The following IGIP variants were observed in gnomAD, a reference collection of about 807,000 sequenced individuals.
IGIP encodes the protein IgA-inducing protein homolog.
In IGIP, 1 loss-of-function variant was observed where a neutral mutation model predicts 3.2. That is an observed-to-expected ratio of 0.32 (90% confidence interval 0.11 to 1.50). IGIP has a LOEUF of 1.50. Among genes scored for constraint, IGIP ranks in the 40% most tolerant of loss-of-function variants. The pLI is 0.39. For synonymous variants in IGIP, 20 were observed against 22.7 expected, an observed-to-expected ratio of 0.88 and a Z score of 0.34; for missense variants, 64 against 69.0, an observed-to-expected ratio of 0.93 and a Z score of 0.26.
At position 140,126,098 on chromosome 5, in the gene IGIP, GA is replaced by G; in HGVS notation, c.-2376del. On this transcript the variant is annotated 5_prime_UTR_variant, in exon 1 of 1. It removes the in-frame stop codon of an upstream open reading frame in the 5' UTR. Transcript: ENST00000333305. ...GGGCTTATTCAAAAGTGTACAATAG[GA>G]AAGTATATTTCCTTTCTTAGAAAGG... The G allele has an allele frequency of 6.0e-6, 1 of 167,032 alleles. No individual in the cohort carries two copies. Among genetic ancestry groups the G allele is most frequent in the Non-Finnish European group, 1.5e-5 (1 of 68,106 alleles). The allele number at this position is 167,032 out of a possible 1,614,324, so 10.3% of individuals were successfully genotyped here.
chr5:140,128,408 C>A lies in IGIP; in HGVS notation c.-69C>A. The A allele has an allele frequency of 7.9e-7, 1 of 1,270,020 alleles. No individual in the cohort carries two copies. Among genetic ancestry groups the A allele is most frequent in the Non-Finnish European group, 1.1e-6 (1 of 914,036 alleles). 78.7% of individuals were successfully genotyped at this position (1,270,020 alleles called of 1,614,324 possible). A position where few individuals can be genotyped will look rare whatever the true frequency, so the allele number is the denominator to read the frequency against. On this transcript the variant is annotated 5_prime_UTR_variant, in exon 1 of 1. It adds an upstream start codon to the 5' untranslated region. Transcript: ENST00000333305. ...TGTTTGGGGACCCCATTTAAGAATG[C>A]TGAATTTTGCCAACTAAGAAGTAAG...
Position 140,128,381 on chromosome 5 carries a change from A to T in IGIP, c.-96A>T. 3.8e-6 allele frequency: 3 copies of T among 789,246 alleles called. No individual in the cohort carries two copies. Among genetic ancestry groups the T allele is most frequent in the Non-Finnish European group, 6.1e-6 (3 of 495,588 alleles). The allele number at this position is 789,246 out of a possible 1,614,324, so 48.9% of individuals were successfully genotyped here. Reference sequence around the variant, plus strand: ...TACAGTTAGAATATCATTAATTTGCACTGTTTGGGGACCCCATTTAAGAAT... The same window carrying T: ...TACAGTTAGAATATCATTAATTTGCTCTGTTTGGGGACCCCATTTAAGAAT... On this transcript the variant is annotated 5_prime_UTR_variant, in exon 1 of 1. Coordinates refer to ENST00000333305, the MANE Select transcript of IGIP (RefSeq NM_001007189.2).
chr5:140,128,788 G>A lies in IGIP; in HGVS notation c.*150G>A. 1.5e-6 allele frequency: 1 copy of A among 646,986 alleles called. No homozygotes were observed. The highest frequency in any genetic ancestry group is 2.5e-6 in the Non-Finnish European group (1 of 392,394). 40.1% of individuals were successfully genotyped at this position (646,986 alleles called of 1,614,324 possible). On this transcript the variant is annotated 3_prime_UTR_variant, in exon 1 of 1. Coordinates refer to ENST00000333305, the MANE Select transcript of IGIP (RefSeq NM_001007189.2). ...ATAAAGTAGGCAAAAAAATAAAGAT[G>A]TTTATTTTTCATGTGACTGTATAAT...
chr5:140,128,678 T>C lies in IGIP; in HGVS notation c.*40T>C, dbSNP rs772060676. ...TGCTGTACTGCTTATTGAAGTATTG[T>C]GATTATTTTAGGCATTGATTCTTAC... On this transcript the variant is annotated 3_prime_UTR_variant, in exon 1 of 1. Coordinates refer to ENST00000333305, the MANE Select transcript of IGIP (RefSeq NM_001007189.2). 2 of 1,544,408 alleles carry C rather than the reference T, an allele frequency of 1.3e-6. No homozygotes were observed. The highest frequency in any genetic ancestry group is 2.8e-5 in the African/African-American group (2 of 72,134).
rs1763233196 is a variant in IGIP, at chr5:140,128,156, A to C, written c.-321A>C. The stretch of plus-strand genomic sequence containing the variant: ...AAGTTTGTAAAATTTTTATAGTGAA[A>C]CATTTTAATGACAATTTAAAAATTT... On this transcript the variant is annotated 5_prime_UTR_variant, in exon 1 of 1. Transcript: ENST00000333305. 5.1e-6 allele frequency: 1 copy of C among 195,994 alleles called. No homozygotes were observed. Among genetic ancestry groups the C allele is most frequent in the African/African-American group, 2.4e-5 (1 of 42,258 alleles). 12.1% of individuals were successfully genotyped at this position (195,994 alleles called of 1,614,324 possible).
chr5:140,128,540 G>A lies in IGIP; in HGVS notation c.64G>A (p.Val22Ile), dbSNP rs575850066. ...VSGCNITIFA[V>I]MFSHLSAGKS... is the part of the protein sequence containing the mutation. ...GGGCTGTAATATTACCATATTTGCTGTCATGTTCTCCCATCTCAGTGCTGG... is the reference window on the plus strand; with the variant it reads ...GGGCTGTAATATTACCATATTTGCTATCATGTTCTCCCATCTCAGTGCTGG... Residue 22 changes from valine (V) to isoleucine (I), a missense_variant, in exon 1 of 1, where the codon GTC (valine) becomes ATC (isoleucine). Coordinates refer to ENST00000333305, the MANE Select transcript of IGIP (RefSeq NM_001007189.2). The A allele has an allele frequency of 4.3e-6, 7 of 1,609,884 alleles. No homozygotes were observed. The African/African-American group carries it at 9.4e-5, about 22-fold the overall frequency.
chr5:140,125,937 GA>G lies in IGIP; in HGVS notation c.-2537del. 6.0e-6 allele frequency: 1 copy of G among 165,572 alleles called. No homozygotes were observed. Among genetic ancestry groups the G allele is most frequent in the Non-Finnish European group, 1.5e-5 (1 of 67,896 alleles). 10.3% of individuals were successfully genotyped at this position (165,572 alleles called of 1,614,324 possible). A position where few individuals can be genotyped will look rare whatever the true frequency, so the allele number is the denominator to read the frequency against. On this transcript the variant is annotated 5_prime_UTR_variant, in exon 1 of 1. Transcript: ENST00000333305. Reference sequence around the variant, plus strand: ...CATGGGGTGGGGAGGGTGGGTGGGGGAAAGATTTTTGAGTCTACAACTGACA... The same window carrying G: ...CATGGGGTGGGGAGGGTGGGTGGGGGAAGATTTTTGAGTCTACAACTGACA...
rs558369102 is a variant in IGIP, at chr5:140,129,352, C to G, written c.*714C>G. The G allele has an allele frequency of 6.6e-6, 1 of 152,302 alleles. No homozygotes were observed. The highest frequency in any genetic ancestry group is 1.5e-5 in the Non-Finnish European group (1 of 68,028). 9.4% of individuals were successfully genotyped at this position (152,302 alleles called of 1,614,324 possible). Reference sequence around the variant, plus strand: ...GTTTTAGGAACATTCTAATTCCACTCTTAGTTATTTGAAATATATAATAAA... The same window carrying G: ...GTTTTAGGAACATTCTAATTCCACTGTTAGTTATTTGAAATATATAATAAA... On this transcript the variant is annotated 3_prime_UTR_variant, in exon 1 of 1. Transcript: ENST00000333305.
chr5:140,128,462 C>G lies in IGIP; in HGVS notation c.-15C>G, dbSNP rs1763236775. 4 of 1,534,578 alleles carry G rather than the reference C, an allele frequency of 2.6e-6. No individual in the cohort carries two copies. The highest frequency in any genetic ancestry group is 3.5e-6 in the Non-Finnish European group (4 of 1,144,716). On this transcript the variant is annotated 5_prime_UTR_variant, in exon 1 of 1. Coordinates refer to ENST00000333305, the MANE Select transcript of IGIP (RefSeq NM_001007189.2). ...ATGCAATTTAAAAAGTAAATTTGAG[C>G]ATTCTGTATTAAATATGTGCAGTTA...
Position 140,126,088 on chromosome 5 carries a change from T to A in IGIP, c.-2389T>A, listed in dbSNP as rs548935184. The A allele has an allele frequency of 6.0e-6, 1 of 167,088 alleles. No individual in the cohort carries two copies. Among genetic ancestry groups the A allele is most frequent in the East Asian group, 1.9e-4 (1 of 5,210 alleles). The allele number at this position is 167,088 out of a possible 1,614,324, so 10.4% of individuals were successfully genotyped here. A position where few individuals can be genotyped will look rare whatever the true frequency, so the allele number is the denominator to read the frequency against. On this transcript the variant is annotated 5_prime_UTR_variant, in exon 1 of 1. Coordinates refer to ENST00000333305, the MANE Select transcript of IGIP (RefSeq NM_001007189.2). ...GCATGCCTTTGGGCTTATTCAAAAG[T>A]GTACAATAGGAAAGTATATTTCCTT...
chr5:140,128,834 G>A lies in IGIP; in HGVS notation c.*196G>A. On this transcript the variant is annotated 3_prime_UTR_variant, in exon 1 of 1. Transcript: ENST00000333305. ...ATAATCAGATCAGTCTTTTGTTTCA[G>A]TGCTTTTTGGGGGAAGGGGTCTGGT... The A allele has an allele frequency of 1.9e-6, 1 of 516,960 alleles. No individual in the cohort carries two copies. Among genetic ancestry groups the A allele is most frequent in the South Asian group, 3.0e-5 (1 of 32,854 alleles). The allele number at this position is 516,960 out of a possible 1,614,324, so 32.0% of individuals were successfully genotyped here. A position where few individuals can be genotyped will look rare whatever the true frequency, so the allele number is the denominator to read the frequency against.
chr5:140,128,950 A>G lies in IGIP; in HGVS notation c.*312A>G. 4.0e-6 allele frequency: 1 copy of G among 251,358 alleles called. No homozygotes were observed. Among genetic ancestry groups the G allele is most frequent in the Non-Finnish European group, 7.6e-6 (1 of 131,598 alleles). The allele number at this position is 251,358 out of a possible 1,614,324, so 15.6% of individuals were successfully genotyped here. A position where few individuals can be genotyped will look rare whatever the true frequency, so the allele number is the denominator to read the frequency against. Reference sequence around the variant, plus strand: ...TTATGCTTATGAATTGGCTGCAAGCATTAAGTGTGCTCTCATACTAGAGAA... The same window carrying G: ...TTATGCTTATGAATTGGCTGCAAGCGTTAAGTGTGCTCTCATACTAGAGAA... On this transcript the variant is annotated 3_prime_UTR_variant, in exon 1 of 1. Transcript: ENST00000333305.
chr5:140,127,800 A>C lies in IGIP; in HGVS notation c.-677A>C, dbSNP rs1294796209. On this transcript the variant is annotated 5_prime_UTR_variant, in exon 1 of 1. It removes an upstream start codon present in the reference 5' UTR. Transcript: ENST00000333305. ...CTATGTGAAATCAGACTTATTTTAA[A>C]TGTGCTTCTTATTTACTGTGTGTGG... is the stretch of plus-strand genomic sequence containing the variant. The C allele has an allele frequency of 6.0e-6, 1 of 167,092 alleles. No homozygotes were observed. The highest frequency in any genetic ancestry group is 1.5e-5 in the Non-Finnish European group (1 of 68,134). The allele number at this position is 167,092 out of a possible 1,614,324, so 10.4% of individuals were successfully genotyped here. A position where few individuals can be genotyped will look rare whatever the true frequency, so the allele number is the denominator to read the frequency against.
rs906790995 is a variant in IGIP, at chr5:140,126,466, A to G, written c.-2011A>G. 6.0e-6 allele frequency: 1 copy of G among 167,108 alleles called. No individual in the cohort carries two copies. Among genetic ancestry groups the G allele is most frequent in the African/African-American group, 2.4e-5 (1 of 41,464 alleles). 10.4% of individuals were successfully genotyped at this position (167,108 alleles called of 1,614,324 possible). ...ACAACAGCTTTGGGTTAGCACACAC[A>G]TAAGAATCAAAAAAACAAAGCTCAC... On this transcript the variant is annotated 5_prime_UTR_variant, in exon 1 of 1. Coordinates refer to ENST00000333305, the MANE Select transcript of IGIP (RefSeq NM_001007189.2).
At position 140,128,683 on chromosome 5, in the gene IGIP, AT is replaced by A; in HGVS notation, c.*49del. ...TACTGCTTATTGAAGTATTGTGATTATTTTAGGCATTGATTCTTACAAAATA... is the reference window on the plus strand; with the variant it reads ...TACTGCTTATTGAAGTATTGTGATTATTTAGGCATTGATTCTTACAAAATA... On this transcript the variant is annotated 3_prime_UTR_variant, in exon 1 of 1. Coordinates refer to ENST00000333305, the MANE Select transcript of IGIP (RefSeq NM_001007189.2). 1 of 1,479,654 alleles carries A rather than the reference AT, an allele frequency of 6.8e-7. No homozygotes were observed. Among genetic ancestry groups the A allele is most frequent in the Non-Finnish European group, 9.3e-7 (1 of 1,079,568 alleles). The allele number at this position is 1,479,654 out of a possible 1,614,324, so 91.7% of individuals were successfully genotyped here.
Position 140,128,042 on chromosome 5 carries a change from T to C in IGIP, c.-435T>C, listed in dbSNP as rs1484470461. 1 of 173,578 alleles carries C rather than the reference T, an allele frequency of 5.8e-6. No homozygotes were observed. The highest frequency in any genetic ancestry group is 1.4e-5 in the Non-Finnish European group (1 of 73,334). 10.8% of individuals were successfully genotyped at this position (173,578 alleles called of 1,614,324 possible). ...TTAGTTAACACAGCTGACATGGTTG[T>C]GCTCTGTTTGAAAGTCTAAGAATAG... is the stretch of plus-strand genomic sequence containing the variant. On this transcript the variant is annotated 5_prime_UTR_variant, in exon 1 of 1. Transcript: ENST00000333305.
Position 140,128,837 on chromosome 5 carries a change from CT to C in IGIP, c.*204del. The C allele has an allele frequency of 2.0e-6, 1 of 502,698 alleles. No individual in the cohort carries two copies. Among genetic ancestry groups the C allele is most frequent in the Non-Finnish European group, 3.4e-6 (1 of 290,468 alleles). The allele number at this position is 502,698 out of a possible 1,614,324, so 31.1% of individuals were successfully genotyped here. A position where few individuals can be genotyped will look rare whatever the true frequency, so the allele number is the denominator to read the frequency against. ...ATCAGATCAGTCTTTTGTTTCAGTG[CT>C]TTTTGGGGGAAGGGGTCTGGTTGCG... On this transcript the variant is annotated 3_prime_UTR_variant, in exon 1 of 1. Coordinates refer to ENST00000333305, the MANE Select transcript of IGIP (RefSeq NM_001007189.2).
In IGIP at chr5:140,128,335, C is replaced by A; in HGVS notation, c.-142C>A. On this transcript the variant is annotated 5_prime_UTR_variant, in exon 1 of 1. Transcript: ENST00000333305. ...TATTCTTTGAGTTTACAAGTTAATC[C>A]TTATTGGAGATGTGCCAATATACAG... is the stretch of plus-strand genomic sequence containing the variant. The A allele has an allele frequency of 3.5e-6, 2 of 564,170 alleles. No homozygotes were observed. The highest frequency in any genetic ancestry group is 3.1e-6 in the Non-Finnish European group (1 of 322,780). The allele number at this position is 564,170 out of a possible 1,614,324, so 34.9% of individuals were successfully genotyped here. A position where few individuals can be genotyped will look rare whatever the true frequency, so the allele number is the denominator to read the frequency against.
rs916620993 is a variant in IGIP at position 140,126,423 on chromosome 5, A to C, written c.-2054A>C. 2 of 167,116 alleles carry C rather than the reference A, an allele frequency of 1.2e-5. No individual in the cohort carries two copies. The highest frequency in any genetic ancestry group is 4.8e-5 in the African/African-American group (2 of 41,470). The allele number at this position is 167,116 out of a possible 1,614,324, so 10.4% of individuals were successfully genotyped here. On this transcript the variant is annotated 5_prime_UTR_variant, in exon 1 of 1. Coordinates refer to ENST00000333305, the MANE Select transcript of IGIP (RefSeq NM_001007189.2). ...TTTTGTCGTTTGAATTTTCTCTGTC[A>C]GTGTATTTAGCCCAAATACAACAGC...
Sources: gnomAD v4.1 joint callset for allele counts on GRCh38, gnomAD v4.1.1 for gene constraint, MANE v1.5 for transcripts, NCBI Gene and HGNC (gene_info 2026-07-23, HGNC 2026-07-21) for gene names.